Variants in HK1 observed in about 807,000 individuals in gnomAD.
HK1 encodes hexokinase 1.
HK1 carries 28 observed loss-of-function variants against 91.6 expected under a neutral mutation model. That is an observed-to-expected ratio of 0.31 (90% CI 0.23 to 0.42). The LOEUF is 0.42. Among genes scored for constraint, HK1 ranks in the 10% least tolerant of loss-of-function variants. The pLI is 1.00. For missense variants in HK1, 770 were observed against 1,219.8 expected, an observed-to-expected ratio of 0.63 and a Z score of 5.49; for synonymous variants, 430 against 468.1, an observed-to-expected ratio of 0.92 and a Z score of 1.05.
chr10:69,310,518 G>C (rs147597485), intron 5 of HK1, among the ~76,000 whole-genome samples: 3 of 151,540 alleles, frequency 2.0e-5, no homozygotes, highest in Non-Finnish European at 2.9e-5. Flanking sequence ...TGTCATCTTA[G>C]AGCCTAGGAA....
chr10:69,307,828 T>G (rs1159054185), intron 5 of HK1, among the ~76,000 whole-genome samples: 1 of 152,138 alleles, frequency 6.6e-6, no homozygotes, highest in Non-Finnish European at 1.5e-5. Context: ...CTTCTCTGTT[T>G]TAAAATATAT....
intron 2 of HK1, among the ~76,000 whole-genome samples, chr10:69,348,281 C>T (rs1848670971): frequency 6.6e-6 from 1 of 151,164 alleles, no homozygotes; most frequent in African/African-American, 2.4e-5. Flanking sequence ...AGTGTAGTCA[C>T]GGTTGTTTTG....
chr10:69,382,138 C>G (rs1839416734), intron 9 of HK1, among the ~76,000 whole-genome samples: 1 of 152,156 alleles, frequency 6.6e-6, no homozygotes, highest in African/African-American at 2.4e-5. Flanking sequence ...GCCTGTAATC[C>G]CAGCACTTGG....
chr10:69,309,528 G>A (rs1191303692), intron 5 of HK1, among the ~76,000 whole-genome samples: 2 of 133,926 alleles, frequency 1.5e-5, no homozygotes, highest in Non-Finnish European at 3.1e-5. Flanking sequence ...AAAAAGCCGC[G>A]AGGTGGCTCA....
At chr10:69,376,762 G>A (rs367837227) in intron 7 of HK1, among the ~76,000 whole-genome samples, 172 bp from the exon 8 acceptor site, 2 of 152,212 alleles carry the variant, frequency 1.3e-5, no homozygotes, top group East Asian at 1.9e-4. Context: ...CTTGGCTTCC[G>A]ATCCCTCTCC....
intron 1 of HK1, among the ~76,000 whole-genome samples, chr10:69,327,599 A>C (rs1376823519): frequency 6.6e-6 from 1 of 152,140 alleles, no homozygotes; most frequent in Non-Finnish European, 1.5e-5. Flanking sequence ...TAGGGCTGAG[A>C]TCACCAGGCG....
Position 69,376,979 on chromosome 10 carries a change from A to T in HK1, c.921A>T (p.Arg307=). The change falls in exon 8 of 18, where the codon CGA becomes CGT. Residue 307 remains arginine (R), a synonymous_variant. Coordinates refer to ENST00000359426, the MANE Select transcript of HK1 (RefSeq NM_000188.3). ...GCATGTACTTGGGAGAGCTGGTTCGACTGATCCTAGTCAAGATGGCCAAGG... is the reference window on the plus strand; with the variant it reads ...GCATGTACTTGGGAGAGCTGGTTCGTCTGATCCTAGTCAAGATGGCCAAGG... The part of the protein sequence containing the change: ...VSGMYLGELV[R]LILVKMAKEG... 1 of 1,614,146 alleles carries T rather than the reference A, an allele frequency of 6.2e-7. No individual in the cohort carries two copies. Among genetic ancestry groups the T allele is most frequent in the Non-Finnish European group, 8.5e-7 (1 of 1,180,028 alleles).
chr10:69,343,891 T>A lies in HK1; in HGVS notation c.128T>A (p.Phe43Tyr). The A allele has an allele frequency of 6.2e-7, 1 of 1,614,078 alleles. No homozygotes were observed. Among genetic ancestry groups the A allele is most frequent in the South Asian group, 1.1e-5 (1 of 91,076 alleles). ...DETLIDIMTR[F>Y]RKEMKNGLSR... ...ACTCTCATAGATATCATGACTCGCT[T>A]CAGGAAGGAGATGAAGAATGGCCTC... The change falls in exon 2 of 18, where the codon TTC becomes TAC. Residue 43 changes from phenylalanine to tyrosine, a missense_variant. Phe to Tyr is a conservative substitution (Grantham distance 22). Transcript: ENST00000359426.
chr10:69,300,164 T>C (rs987564691), intron 4 of HK1, among the ~76,000 whole-genome samples: 9 of 151,620 alleles, frequency 5.9e-5, no homozygotes, highest in Non-Finnish European at 1.5e-5. Flanking sequence ...ATATAGAACA[T>C]TTTCATCACC....
At chr10:69,364,090 G>A (rs1849571644) in intron 3 of HK1, among the ~76,000 whole-genome samples, 1 of 152,206 alleles carries the variant, frequency 6.6e-6, no homozygotes, top group African/African-American at 2.4e-5. Flanking sequence ...AGACGTCGGG[G>A]TGGCTGGCAG....
At chr10:69,340,839 C>CATCA (rs975964460) in intron 1 of HK1, among the ~76,000 whole-genome samples, 5 of 152,214 alleles carry the variant, frequency 3.3e-5, no homozygotes, top group Admixed American at 3.3e-4. Context: ...TTATGTGGCT[C>CATCA]ATCAGGCCCT....
chr10:69,301,819 T>C (rs936859914), intron 5 of HK1, among the ~76,000 whole-genome samples: 14 of 152,202 alleles, frequency 9.2e-5, no homozygotes, highest in Admixed American at 2.6e-4. Flanking sequence ...CCAATTCCTA[T>C]GAAAATCTCA....
chr10:69,336,380 A>G (rs1847984372), intron 1 of HK1, among the ~76,000 whole-genome samples: 1 of 151,702 alleles, frequency 6.6e-6, no homozygotes, highest in Non-Finnish European at 1.5e-5. Context: ...TGGTAGAGAC[A>G]GGGTTTCTCC....
intron 1 of HK1, among the ~76,000 whole-genome samples, chr10:69,337,822 C>T (rs12245854): frequency 2.0e-5 from 3 of 152,200 alleles, no homozygotes; most frequent in African/African-American, 7.2e-5. Flanking sequence ...TTTTCCATGG[C>T]TGTGCACCCT....
intron 5 of HK1, among the ~76,000 whole-genome samples, chr10:69,310,156 C>G (rs927779862): frequency 8.7e-5 from 13 of 148,910 alleles, no homozygotes; most frequent in African/African-American, 3.2e-4. Context: ...CATGGTGGCT[C>G]ACACCTGTAA....
intron 2 of HK1, among the ~76,000 whole-genome samples, chr10:69,355,038 C>T (rs550403719): frequency 1.0e-3 from 137 of 133,956 alleles, no homozygotes; most frequent in African/African-American, 3.6e-3. Flanking sequence ...CATTGCACTC[C>T]AGCCTGGGCA....
intron 5 of HK1, among the ~76,000 whole-genome samples, chr10:69,305,930 G>C (rs911843753): frequency 2.0e-5 from 3 of 151,810 alleles, no homozygotes; most frequent in Admixed American, 1.3e-4. Flanking sequence ...AAATGACTGA[G>C]GCGAGTCTCA....
chr10:69,276,112 A>ATATAT (rs1564746747), intron 1 of HK1, among the ~76,000 whole-genome samples: 20 of 42,564 alleles, frequency 4.7e-4, no homozygotes, highest in East Asian at 1.3e-3. Flanking sequence ...AAAAAAAAAA[A>ATATAT]AAAAAAATAC....
chr10:69,278,336 T>G (rs1844566255), intron 1 of HK1, among the ~76,000 whole-genome samples: 1 of 152,218 alleles, frequency 6.6e-6, no homozygotes, highest in Non-Finnish European at 1.5e-5. Flanking sequence ...TATGAAGCTT[T>G]TTGAGGGCTC....
Sources: gnomAD v4.1 joint callset for allele counts (sites outside exome capture counted in the v4.1 genomes callset) on GRCh38, gnomAD v4.1.1 for gene constraint, MANE v1.5 for transcripts, NCBI Gene and HGNC (gene_info 2026-07-23, HGNC 2026-07-21) for gene names.